The following HYDIN variants were observed in gnomAD, a reference collection of about 807,000 sequenced individuals.
HYDIN encodes the protein HYDIN axonemal central pair apparatus protein.
In HYDIN, 132 loss-of-function variants were observed where a neutral mutation model predicts 403.9. That is an observed-to-expected ratio of 0.33 (90% CI 0.28 to 0.38). The LOEUF is 0.38. Ranked by LOEUF, HYDIN falls within the 10% of genes least tolerant of loss-of-function variation. The pLI is 1.00. For missense variants in HYDIN, 2,827 were observed against 5,009.5 expected, an observed-to-expected ratio of 0.56 and a Z score of 13.15; for synonymous variants, 1,202 against 1,891.7, an observed-to-expected ratio of 0.64 and a Z score of 9.46.
chr16:70,936,728 C>T (rs1271812460), intron 44 of HYDIN, among the ~76,000 whole-genome samples: 2 of 148,368 alleles, frequency 1.3e-5, no homozygotes, highest in African/African-American at 4.9e-5. Context: ...GACGGGGTTT[C>T]GCCATGTTGG....
intron 18 of HYDIN, among the ~76,000 whole-genome samples, chr16:71,059,153 G>C (rs2081999962): frequency 6.6e-6 from 1 of 152,098 alleles, no homozygotes; most frequent in African/African-American, 2.4e-5. Flanking sequence ...AGTTTAATTA[G>C]GACCCATTTG....
intron 78 of HYDIN, among the ~76,000 whole-genome samples, chr16:70,834,473 T>C (rs1298871080): frequency 6.6e-6 from 1 of 152,104 alleles, no homozygotes; most frequent in Admixed American, 6.5e-5. Context: ...CAGGAAATAG[T>C]AATGGGAAAT....
chr16:70,982,084 C>A (rs1303908712), intron 28 of HYDIN, among the ~76,000 whole-genome samples: 1 of 146,566 alleles, frequency 6.8e-6, no homozygotes, highest in Admixed American at 6.9e-5. Flanking sequence ...GCCGAGATCG[C>A]GCCACTGCAC....
intron 1 of HYDIN, among the ~76,000 whole-genome samples, chr16:71,212,431 G>A (rs2088642356): frequency 6.6e-6 from 1 of 152,086 alleles, no homozygotes. Flanking sequence ...GGTTTTCATT[G>A]TACTATTATT....
intron 9 of HYDIN, among the ~76,000 whole-genome samples, chr16:71,124,262 C>G (rs1007833354): frequency 6.6e-6 from 1 of 152,234 alleles, no homozygotes; most frequent in African/African-American, 2.4e-5. Context: ...GGGACACAAC[C>G]TGCGGCCACA....
At chr16:70,986,333 G>A (rs2079191622) in intron 27 of HYDIN, among the ~76,000 whole-genome samples, 1 of 151,404 alleles carries the variant, frequency 6.6e-6, no homozygotes, top group African/African-American at 2.4e-5. Context: ...GCCACTTTGG[G>A]GGTCCTTAGG....
intron 2 of HYDIN, among the ~76,000 whole-genome samples, chr16:71,185,732 T>C (rs758690452): frequency 3.3e-5 from 5 of 152,170 alleles, no homozygotes; most frequent in Admixed American, 6.5e-5. Context: ...ACCAATGTTA[T>C]TGTGGTTCTA....
intron 23 of HYDIN, among the ~76,000 whole-genome samples, chr16:71,016,483 C>T (rs866415444): frequency 2.5e-4 from 38 of 149,146 alleles, no homozygotes; most frequent in Admixed American, 1.4e-3. Flanking sequence ...GGTGAGGATG[C>T]GGAGAAACTG....
Position 71,031,637 on chromosome 16 carries a change from A to G in HYDIN, c.2768+42T>C, listed in dbSNP as rs560821126. The G allele has an allele frequency of 1.0e-4, 162 of 1,581,294 alleles. 3 individuals carry two copies. The highest frequency in any genetic ancestry group is 2.8e-5 in the African/African-American group (2 of 70,640). Reference sequence around the variant, plus strand: ...AGAGGTGATGCTCAGCATATGTAACATATGTGATATCTATAAAAACTGGTC... The same window carrying G: ...AGAGGTGATGCTCAGCATATGTAACGTATGTGATATCTATAAAAACTGGTC... On this transcript the variant is annotated intron_variant, in intron 19 of 85. Transcript: ENST00000393567.
chr16:70,810,098 G>A (rs144627764), intron 84 of HYDIN, 91 bp from the exon 85 acceptor site: 18 of 1,216,190 alleles, frequency 1.5e-5, no homozygotes, highest in East Asian at 2.3e-5. Context: ...TAGCAGGTTG[G>A]GGGCAGAAAT....
chr16:71,039,280 A>C (rs149996536), intron 18 of HYDIN, among the ~76,000 whole-genome samples: 2,216 of 152,322 alleles, frequency 0.015, 18 homozygotes, highest in South Asian at 0.022. Context: ...CATAGATTAC[A>C]TGCTCAGTCA....
At chr16:70,947,989 G>A (rs1418723158) in intron 41 of HYDIN, among the ~76,000 whole-genome samples, 12 of 151,218 alleles carry the variant, frequency 7.9e-5, no homozygotes, top group Non-Finnish European at 1.0e-4. Context: ...AAAAGAGCCC[G>A]CATCGCCAAG....
At chr16:71,165,624 A>T (rs947766497) in intron 5 of HYDIN, among the ~76,000 whole-genome samples, 1 of 151,812 alleles carries the variant, frequency 6.6e-6, no homozygotes, top group Admixed American at 6.6e-5. Context: ...CTACTCAACA[A>T]ATACTTCCCA....
At chr16:71,069,146 AT>A in intron 14 of HYDIN, 120 bp downstream of exon 14, 1 of 1,020,336 alleles carries the variant, frequency 9.8e-7, no homozygotes, top group Non-Finnish European at 1.4e-6. Flanking sequence ...TTCCCTGTAA[AT>A]TGACAGGCAC....
At chr16:71,072,432 C>T (rs6499432) in intron 13 of HYDIN, among the ~76,000 whole-genome samples, 1 of 152,206 alleles carries the variant, frequency 6.6e-6, no homozygotes, top group Non-Finnish European at 1.5e-5. Flanking sequence ...AGAAAGACCA[C>T]TGCTGTGACT....
chr16:70,834,657 G>C (rs932890149), intron 78 of HYDIN, among the ~76,000 whole-genome samples: 2 of 152,014 alleles, frequency 1.3e-5, no homozygotes, highest in African/African-American at 4.8e-5. Context: ...ACAACAGCCT[G>C]GCCAACATGG....
rs753242054 is a variant in HYDIN at position 70,868,709 on chromosome 16, A to T, written c.11171T>A (p.Met3724Lys). 2 of 1,614,132 alleles carry T rather than the reference A, an allele frequency of 1.2e-6. No individual in the cohort carries two copies. ...CCTGGAGAGCTTGCACCTGATCCGC[A>T]TATTCTTTAGGTTGATGGGTACATC... ...KSDVPINLKNMRIRCKLSRIM... is the reference protein window; with the variant it reads ...KSDVPINLKNKRIRCKLSRIM... Residue 3724 changes from methionine (M) to lysine (K), a missense_variant, in exon 66 of 86, where the codon ATG becomes AAG. By Grantham distance (95) the Met-to-Lys change is moderately conservative. Coordinates refer to ENST00000393567, the MANE Select transcript of HYDIN (RefSeq NM_001270974.2).
chr16:71,226,161 C>A (rs2041023877), intron 1 of HYDIN, among the ~76,000 whole-genome samples: 1 of 152,162 alleles, frequency 6.6e-6, no homozygotes, highest in South Asian at 2.1e-4. Flanking sequence ...TTTCAAAATT[C>A]ACTGTAAAGT....
intron 65 of HYDIN, among the ~76,000 whole-genome samples, chr16:70,869,661 TC>T (rs1567736374): frequency 1.4e-5 from 2 of 147,406 alleles, no homozygotes; most frequent in African/African-American, 2.5e-5. Flanking sequence ...TTGTGAGGCA[TC>T]CCCAGCTATG....
Sources: gnomAD v4.1 joint callset for allele counts (sites outside exome capture counted in the v4.1 genomes callset) on GRCh38, gnomAD v4.1.1 for gene constraint, MANE v1.5 for transcripts, NCBI Gene and HGNC (gene_info 2026-07-23, HGNC 2026-07-21) for gene names.